Variants in MARCHF8 observed in about 807,000 individuals in gnomAD.
The protein encoded by MARCHF8 is membrane associated ring-CH-type finger 8, also known as E3 ubiquitin-protein ligase MARCHF8.
In MARCHF8, 40 loss-of-function variants were observed where a neutral mutation model predicts 51.6. The observed-to-expected ratio is 0.77, with a 90% confidence interval of 0.60 to 1.01. MARCHF8 has a LOEUF of 1.01. MARCHF8 is among the 50% of genes least tolerant of loss of function. The probability of loss-of-function intolerance (pLI) is 0.00; values close to 1 mark genes in which losing one functional copy is unlikely to be tolerated. For synonymous variants in MARCHF8, 263 were observed against 280.3 expected, an observed-to-expected ratio of 0.94 and a Z score of 0.62; for missense variants, 685 against 708.6, an observed-to-expected ratio of 0.97 and a Z score of 0.38.
intron 1 of MARCHF8, among the ~76,000 whole-genome samples, chr10:45,546,138 T>TTTTTTTTATTTATTTA (rs1554818043): frequency 2.0e-5 from 3 of 147,688 alleles, no homozygotes; most frequent in Admixed American, 6.7e-5. Context: ...TGAGCTGAAT[T>TTTTTTTTATTTATTTA]TTTATTTATT....
rs192440443 is a variant in MARCHF8 at position 45,471,386 on chromosome 10, C to T, written c.154-7059G>A. 3.8e-3 allele frequency among the ~76,000 whole-genome samples: 578 copies of T among 152,224 alleles called. 3 individuals carry two copies. Among genetic ancestry groups the T allele is most frequent in the Middle Eastern group, 0.031 (9 of 294 alleles). On this transcript the variant is annotated intron_variant, in intron 3 of 7. Transcript: ENST00000453424. ...GGATCTTGCAAATATAATTTGTTTT[C>T]AATAAATTACATTGAAGACAATGAT...
At chr10:45,500,008 T>C (rs768170409) in intron 2 of MARCHF8, among the ~76,000 whole-genome samples, 2 of 152,224 alleles carry the variant, frequency 1.3e-5, no homozygotes, top group African/African-American at 2.4e-5. Context: ...ATACCGAATA[T>C]ACAGATTGAT....
intron 1 of MARCHF8, among the ~76,000 whole-genome samples, chr10:45,552,879 T>C (rs1255438864): frequency 6.6e-6 from 1 of 152,248 alleles, no homozygotes; most frequent in Non-Finnish European, 1.5e-5. Flanking sequence ...TCTGCAATGG[T>C]ATAATTTAAT....
chr10:45,512,290 A>G (rs1399714938), intron 2 of MARCHF8, among the ~76,000 whole-genome samples: 1 of 141,846 alleles, frequency 7.0e-6, no homozygotes, highest in Non-Finnish European at 1.5e-5. Flanking sequence ...CCCGGCAGCC[A>G]CCCCGTCTGG....
At chr10:45,473,226 C>T (rs1399408491) in intron 3 of MARCHF8, among the ~76,000 whole-genome samples, 1 of 152,172 alleles carries the variant, frequency 6.6e-6, no homozygotes, top group African/African-American at 2.4e-5. Flanking sequence ...GGTTAGTGCT[C>T]AAATTCATTG....
Position 45,478,568 on chromosome 10 carries a change from TA to T in MARCHF8, c.153+10798del, listed in dbSNP as rs3086168. On this transcript the variant is annotated intron_variant, in intron 3 of 7. Transcript: ENST00000453424. ...GAGGAGAACTAAACTAAATAGGAGC[TA>T]AAAAAAAAAAAGATCAATGAAACAA... Among the ~76,000 whole-genome samples, 776 of 129,912 alleles carry T rather than the reference TA, an allele frequency of 6.0e-3. 9 individuals are homozygous for T. The highest frequency in any genetic ancestry group is 0.054 in the East Asian group (230 of 4,270). The allele number at this position is 129,912 out of a possible 152,430, so 85.2% of individuals were successfully genotyped here. A position where few individuals can be genotyped will look rare whatever the true frequency, so the allele number is the denominator to read the frequency against.
At chr10:45,501,100 T>C (rs1185012386) in intron 2 of MARCHF8, among the ~76,000 whole-genome samples, 1 of 151,896 alleles carries the variant, frequency 6.6e-6, no homozygotes, top group Non-Finnish European at 1.5e-5. Flanking sequence ...CTTCCCCAAA[T>C]TGATAAACAG....
chr10:45,501,143 G>GT (rs56810389), intron 2 of MARCHF8, among the ~76,000 whole-genome samples: 42,266 of 149,292 alleles, frequency 0.28, 6,163 homozygotes, highest in Admixed American at 0.35. Flanking sequence ...ATTCTAGCAA[G>GT]TTTTTTTTTT....
At position 45,515,264 on chromosome 10, in the gene MARCHF8, T is replaced by C. The variant is rs956504083; in HGVS notation, c.102+17846A>G. Among the ~76,000 whole-genome samples the C allele has an allele frequency of 5.3e-5, 8 of 152,332 alleles. No individual in the cohort carries two copies. The South Asian group carries it at 1.0e-3, about 20-fold the overall frequency. ...AATGGTATCATCTCAACTGCACCTG[T>C]AGGCAGTCCAATCACCTGTAATGTT... On this transcript the variant is annotated intron_variant, in intron 2 of 7. Coordinates refer to ENST00000453424, the MANE Select transcript of MARCHF8 (RefSeq NM_001282866.2).
At chr10:45,471,294 T>TG (rs2042684759) in intron 3 of MARCHF8, among the ~76,000 whole-genome samples, 1 of 152,156 alleles carries the variant, frequency 6.6e-6, no homozygotes, top group Non-Finnish European at 1.5e-5. Flanking sequence ...ACAGCACTGG[T>TG]GGAGGGGACA....
At position 45,463,742 on chromosome 10, in the gene MARCHF8, T is replaced by C. The variant is rs1419794032; in HGVS notation, c.497A>G (p.Gln166Arg). 6.4e-7 allele frequency: 1 copy of C among 1,551,230 alleles called. No homozygotes were observed. Among genetic ancestry groups the C allele is most frequent in the Non-Finnish European group, 8.7e-7 (1 of 1,147,136 alleles). ...ATAGGCAAAACTTTCTGAAGTATCCTGCGCCTTCTCACCCACATCATTGAG... is the reference window on the plus strand; with the variant it reads ...ATAGGCAAAACTTTCTGAAGTATCCCGCGCCTTCTCACCCACATCATTGAG... ...RSLNDVGEKAQDTSESFAYVE... is the reference protein window; with the variant it reads ...RSLNDVGEKARDTSESFAYVE... Residue 166 changes from glutamine (Q) to arginine (R), a missense_variant, in exon 5 of 8, where the codon CAG becomes CGG. Transcript: ENST00000453424.
intron 1 of MARCHF8, among the ~76,000 whole-genome samples, chr10:45,582,444 C>G (rs977141551): frequency 2.0e-5 from 3 of 152,166 alleles, no homozygotes; most frequent in African/African-American, 4.8e-5. Context: ...GCACTCCCCC[C>G]ACAAGCTGTT....
intron 1 of MARCHF8, among the ~76,000 whole-genome samples, chr10:45,543,196 C>T (rs973054631): frequency 1.3e-5 from 2 of 152,150 alleles, no homozygotes; most frequent in Non-Finnish European, 2.9e-5. Flanking sequence ...TAACACCGTC[C>T]TAGTGTTCCT....
chr10:45,554,178 C>G (rs970166977), intron 1 of MARCHF8, among the ~76,000 whole-genome samples: 1 of 152,134 alleles, frequency 6.6e-6, no homozygotes, highest in Non-Finnish European at 1.5e-5. Flanking sequence ...AATTCTTAAA[C>G]TATTTTCAGT....
intron 1 of MARCHF8, among the ~76,000 whole-genome samples, chr10:45,566,782 G>T (rs112309425): frequency 4.7e-5 from 7 of 150,378 alleles, no homozygotes; most frequent in South Asian, 2.1e-4. Context: ...GCGGGGGGAG[G>T]GGGGGAGGGT....
intron 1 of MARCHF8, among the ~76,000 whole-genome samples, chr10:45,558,707 C>T (rs1459493447): frequency 6.6e-6 from 1 of 152,192 alleles, no homozygotes; most frequent in African/African-American, 2.4e-5. Context: ...TGTGTACATA[C>T]AAACATACAT....
Position 45,455,750 on chromosome 10 carries a change from GA to G in MARCHF8, c.*2488del. 1 of 152,558 alleles carries G rather than the reference GA, an allele frequency of 6.6e-6. No individual in the cohort carries two copies. The highest frequency in any genetic ancestry group is 1.5e-5 in the Non-Finnish European group (1 of 68,238). The allele number at this position is 152,558 out of a possible 1,614,324, so 9.5% of individuals were successfully genotyped here. A position where few individuals can be genotyped will look rare whatever the true frequency, so the allele number is the denominator to read the frequency against. The stretch of plus-strand genomic sequence containing the variant: ...AGCTGAACTAGAACCTTCAAGAAAA[GA>G]AAAGGCAAGGGGGTGGCTCTGTGCC... On this transcript the variant is annotated 3_prime_UTR_variant, in exon 8 of 8. Coordinates refer to ENST00000453424, the MANE Select transcript of MARCHF8 (RefSeq NM_001282866.2).
chr10:45,581,207 C>T (rs2044551888), intron 1 of MARCHF8, among the ~76,000 whole-genome samples: 1 of 152,020 alleles, frequency 6.6e-6, no homozygotes, highest in African/African-American at 2.4e-5. Context: ...CTAATGGCAC[C>T]TAGTAGGAAG....
At position 45,464,330 on chromosome 10, in the gene MARCHF8, G is replaced by C; in HGVS notation, c.154-3C>G. The C allele has an allele frequency of 1.2e-6, 2 of 1,613,680 alleles. No individual in the cohort carries two copies. The highest frequency in any genetic ancestry group is 1.7e-6 in the Non-Finnish European group (2 of 1,179,574). ...GATGCTGACGGAGGACTCCCAGCCT[G>C]CAATGACAGACCTGTGGTCAGTGTT... On this transcript the variant is annotated splice_region_variant and splice_polypyrimidine_tract_variant and intron_variant, in intron 3 of 7. Coordinates refer to ENST00000453424, the MANE Select transcript of MARCHF8 (RefSeq NM_001282866.2).
Sources: allele counts gnomAD v4.1 joint callset (sites outside exome capture counted in the v4.1 genomes callset), GRCh38; gene constraint gnomAD v4.1.1; transcripts MANE v1.5; gene names NCBI Gene and HGNC (gene_info 2026-07-23, HGNC 2026-07-21).